AP3B1: variants seen among roughly 807,000 people sequenced by gnomAD.
AP3B1 encodes the protein AP-3 complex subunit beta-1.
A neutral mutation model predicts 132.5 loss-of-function variants in AP3B1; 61 were observed. The observed-to-expected ratio is 0.46, with a 90% confidence interval of 0.37 to 0.57. AP3B1 has a LOEUF of 0.57. Among genes scored for constraint, AP3B1 ranks in the 20% least tolerant of loss-of-function variants. AP3B1 has a pLI of 0.00. For synonymous variants in AP3B1, 388 were observed against 438.3 expected (o/e 0.89, Z 1.43); for missense variants, 1,120 against 1,289.4 (o/e 0.87, Z 2.01).
Position 78,018,793 on chromosome 5 carries a change from A to T in AP3B1, c.2992+1899T>A, listed in dbSNP as rs529719175. On this transcript the variant is annotated intron_variant, in intron 25 of 26. Transcript: ENST00000255194. ...TTATTCTGATTTAGGCTTTTCCGTT[A>T]GTGAGAGATTTCTAGGTATCTTTTG... 7.2e-5 allele frequency among the ~76,000 whole-genome samples: 11 copies of T among 152,146 alleles called. No homozygotes were observed. The South Asian group carries it at 1.9e-3, about 26-fold the overall frequency.
chr5:78,112,103 A>C (rs1580359632), intron 19 of AP3B1, among the ~76,000 whole-genome samples: 1 of 152,212 alleles, frequency 6.6e-6, no homozygotes, highest in East Asian at 1.9e-4. Context: ...GGAGCTTTAA[A>C]AAATTATCAT....
chr5:78,113,776 C>T lies in AP3B1; in HGVS notation c.2225G>A (p.Arg742Lys). The T allele has an allele frequency of 6.2e-7, 1 of 1,613,926 alleles. No individual in the cohort carries two copies. Among genetic ancestry groups the T allele is most frequent in the Non-Finnish European group, 8.5e-7 (1 of 1,180,008 alleles). Residue 742 changes from arginine (R) to lysine (K), a missense_variant, in exon 19 of 27, where the codon AGG (arginine) becomes AAG (lysine). Arg to Lys is a conservative substitution (Grantham distance 26, BLOSUM62 2). Transcript: ENST00000255194. ...CCTTTTTCCTTTGGCTTTTGAGTTC[C>T]TCTTGGCTGTTCTTTTGTTTTCTAG... ...SGLENKRTAKRNSKAKGKSDS... is the reference protein window; with the variant it reads ...SGLENKRTAKKNSKAKGKSDS...
At chr5:78,160,562 A>G (rs1743347933) in intron 13 of AP3B1, among the ~76,000 whole-genome samples, 1 of 152,120 alleles carries the variant, frequency 6.6e-6, no homozygotes, top group African/African-American at 2.4e-5. Context: ...TTTAAAAACA[A>G]TTGAGCCTAA....
At chr5:78,084,279 G>C (rs1447214462) in intron 22 of AP3B1, among the ~76,000 whole-genome samples, 1 of 152,054 alleles carries the variant, frequency 6.6e-6, no homozygotes, top group African/African-American at 2.4e-5. Flanking sequence ...CCAGGAGTTT[G>C]AGACCAGCCT....
chr5:78,092,957 C>A (rs1750594313), intron 21 of AP3B1, among the ~76,000 whole-genome samples: 1 of 152,132 alleles, frequency 6.6e-6, no homozygotes, highest in South Asian at 2.1e-4. Flanking sequence ...GCCTAAAAGG[C>A]AATTTTGGAC....
chr5:78,114,176 A>C (rs1247991745), intron 18 of AP3B1, among the ~76,000 whole-genome samples: 1 of 152,192 alleles, frequency 6.6e-6, no homozygotes, highest in Non-Finnish European at 1.5e-5. Flanking sequence ...AAGGTGAACC[A>C]AGTAAACCAA....
chr5:78,286,370 C>T (rs1205497873), intron 1 of AP3B1, among the ~76,000 whole-genome samples: 1 of 152,146 alleles, frequency 6.6e-6, no homozygotes, highest in African/African-American at 2.4e-5. Flanking sequence ...ATGAGGGCTC[C>T]TCCCTTCATG....
At chr5:78,218,141 T>C (rs1469545417) in intron 6 of AP3B1, among the ~76,000 whole-genome samples, 1 of 152,110 alleles carries the variant, frequency 6.6e-6, no homozygotes, top group African/African-American at 2.4e-5. Context: ...TCATTTTAGA[T>C]ACTTAATCAT....
chr5:78,220,981 C>T (rs1290418953), intron 6 of AP3B1, among the ~76,000 whole-genome samples: 3 of 152,002 alleles, frequency 2.0e-5, no homozygotes, highest in East Asian at 1.9e-4. Context: ...CTGGGGAGGT[C>T]GAGGCTGCAG....
intron 23 of AP3B1, among the ~76,000 whole-genome samples, chr5:78,035,390 T>C (rs1206492369): frequency 1.3e-5 from 2 of 152,062 alleles, no homozygotes; most frequent in East Asian, 3.8e-4. Context: ...CTATTCTCTA[T>C]ACATCCTATC....
chr5:78,045,435 A>T (rs182126218), intron 22 of AP3B1, among the ~76,000 whole-genome samples: 1 of 151,758 alleles, frequency 6.6e-6, no homozygotes, highest in Admixed American at 6.6e-5. Context: ...TTACTTTTTT[A>T]ACCTTGTTTC....
chr5:78,062,627 C>A (rs1749105626), intron 22 of AP3B1, among the ~76,000 whole-genome samples: 1 of 152,162 alleles, frequency 6.6e-6, no homozygotes, highest in Non-Finnish European at 1.5e-5. Context: ...ATAAAAATTT[C>A]ACTAGGCAAC....
intron 7 of AP3B1, among the ~76,000 whole-genome samples, chr5:78,194,009 C>T (rs1200524009): frequency 2.6e-5 from 4 of 151,694 alleles, no homozygotes; most frequent in South Asian, 2.1e-4. Context: ...CCTCATAATC[C>T]GCCCACCTCA....
intron 14 of AP3B1, among the ~76,000 whole-genome samples, chr5:78,144,691 A>G (rs537320113): frequency 7.2e-4 from 109 of 152,346 alleles, no homozygotes; most frequent in Middle Eastern, 3.4e-3. Context: ...CTGGGCAACA[A>G]GGATACAAAG....
At chr5:78,076,939 C>A (rs902230059) in intron 22 of AP3B1, among the ~76,000 whole-genome samples, 7 of 151,998 alleles carry the variant, frequency 4.6e-5, no homozygotes, top group African/African-American at 1.7e-4. Context: ...AAATTGTAAT[C>A]CTAAGCACAG....
At chr5:78,188,026 C>A (rs1030710115) in intron 7 of AP3B1, among the ~76,000 whole-genome samples, 1 of 152,102 alleles carries the variant, frequency 6.6e-6, no homozygotes, top group Non-Finnish European at 1.5e-5. Flanking sequence ...AACTGGCTAG[C>A]CATATGTGAA....
chr5:78,049,851 C>T (rs561343825), intron 22 of AP3B1, among the ~76,000 whole-genome samples: 1 of 152,302 alleles, frequency 6.6e-6, no homozygotes, highest in Admixed American at 6.5e-5. Flanking sequence ...ATAATTTGTA[C>T]ACCAAACTCC....
At chr5:78,041,228 C>T (rs1259979048) in intron 22 of AP3B1, among the ~76,000 whole-genome samples, 2 of 150,214 alleles carry the variant, frequency 1.3e-5, no homozygotes, top group Non-Finnish European at 3.0e-5. Flanking sequence ...GGGCTGAGAT[C>T]GCGCCATTGC....
intron 25 of AP3B1, among the ~76,000 whole-genome samples, chr5:78,017,639 AG>A (rs902600281): frequency 1.3e-5 from 2 of 152,110 alleles, no homozygotes; most frequent in Non-Finnish European, 2.9e-5. Context: ...TAAACATTTT[AG>A]GTTTCTTAAA....
Sources: allele counts gnomAD v4.1 joint callset (sites outside exome capture counted in the v4.1 genomes callset), GRCh38; gene constraint gnomAD v4.1.1; transcripts MANE v1.5; gene names NCBI Gene and HGNC (gene_info 2026-07-23, HGNC 2026-07-21).